Variants in RWDD3 observed in about 807,000 individuals in gnomAD.
RWDD3 encodes the protein RWD domain containing 3, also known as RWD domain-containing protein 3.
Under a neutral mutation model 26.5 loss-of-function variants are expected in RWDD3, and 30 were observed. The ratio of observed to expected loss-of-function variants is 1.13; its 90% CI spans 0.85 to 1.54. RWDD3 has a LOEUF of 1.54. Among genes scored for constraint, RWDD3 ranks in the 40% most tolerant of loss-of-function variants. The probability of loss-of-function intolerance (pLI) is 0.00; values close to 1 mark genes in which losing one functional copy is unlikely to be tolerated. For synonymous variants in RWDD3, 113 were observed against 114.5 expected, an observed-to-expected ratio of 0.99 and a Z score of 0.09; for missense variants, 296 against 309.1, an observed-to-expected ratio of 0.96 and a Z score of 0.32.
At position 95,244,494 on chromosome 1, in the gene RWDD3, C is replaced by T; in HGVS notation, c.369C>T (p.Gly123=). ...HILSQPETGS[G]SEKCTFSTST... Reference sequence around the variant, plus strand: ...TCAGCCAACCAGAAACTGGCAGTGGCAGTGAAAAGTGTACTTTTTCAACAA... The same window carrying T: ...TCAGCCAACCAGAAACTGGCAGTGGTAGTGAAAAGTGTACTTTTTCAACAA... Residue 123 remains glycine, a synonymous_variant, in exon 2 of 4, where the codon GGC becomes GGT. Coordinates refer to ENST00000370202, the MANE Select transcript of RWDD3 (RefSeq NM_015485.5). 6.2e-7 allele frequency: 1 copy of T among 1,614,114 alleles called. No homozygotes were observed. Among genetic ancestry groups the T allele is most frequent in the Non-Finnish European group, 8.5e-7 (1 of 1,180,014 alleles).
chr1:95,246,469 T>G (rs1461698277), intron 2 of RWDD3, 73 bp from the exon 3 acceptor site: 1 of 820,690 alleles, frequency 1.2e-6, no homozygotes, highest in Non-Finnish European at 2.0e-6. Context: ...CCTACAGGTT[T>G]ATAGCTCCTT....
chr1:95,239,648 T>C, intron 1 of RWDD3: 1 of 783,152 alleles, frequency 1.3e-6, no homozygotes, highest in Non-Finnish European at 1.7e-6. Flanking sequence ...TTAGGAAGAA[T>C]GCTAATCCTT....
chr1:95,236,332 G>A (rs1031529611), intron 1 of RWDD3, among the ~76,000 whole-genome samples: 46 of 142,052 alleles, frequency 3.2e-4, no homozygotes, highest in East Asian at 4.1e-4. Context: ...CTCTGTCTCA[G>A]AAAAAAAAAA....
At chr1:95,234,165 C>T (rs1464222807), upstream of RWDD3, 13 of 1,509,018 alleles carry the variant, frequency 8.6e-6, no homozygotes, top group Non-Finnish European at 1.2e-5. Context: ...AGTGCTGCTC[C>T]TGGCCGGTGG....
rs1300241830 is a variant in RWDD3, at chr1:95,246,747, A to G, written c.690-9A>G. ...AGGCATATTCATGAGTTTCTTTTGTATAATGCAGGTTTCTGGCATTTGAAG... is the reference window on the plus strand; with the variant it reads ...AGGCATATTCATGAGTTTCTTTTGTGTAATGCAGGTTTCTGGCATTTGAAG... On this transcript the variant is annotated splice_polypyrimidine_tract_variant and intron_variant, in intron 3 of 3. Coordinates refer to ENST00000370202, the MANE Select transcript of RWDD3 (RefSeq NM_015485.5). The G allele has an allele frequency of 1.3e-6, 2 of 1,552,144 alleles. No individual in the cohort carries two copies. Among genetic ancestry groups the G allele is most frequent in the East Asian group, 4.6e-5 (2 of 43,908 alleles).
At position 95,244,553 on chromosome 1, in the gene RWDD3, T is replaced by G. The variant is rs1230614506; in HGVS notation, c.428T>G (p.Leu143Arg). 6.2e-7 allele frequency: 1 copy of G among 1,614,074 alleles called. No homozygotes were observed. Among genetic ancestry groups the G allele is most frequent in the Admixed American group, 1.7e-5 (1 of 60,004 alleles). ...TTMDDGLWIT[L>R]LHLDHMRAKT... ...ATGGATGATGGATTGTGGATAACTC[T>G]TTTGCATTTAGATCACATGAGAGCA... The change falls in exon 2 of 4, where the codon CTT becomes CGT. Residue 143 changes from leucine to arginine, a missense_variant. By Grantham distance (102) the Leu-to-Arg change is moderately radical (BLOSUM62 -2). Transcript: ENST00000370202.
At chr1:95,241,953 C>T (rs1680645545) in intron 1 of RWDD3, among the ~76,000 whole-genome samples, 1 of 151,456 alleles carries the variant, frequency 6.6e-6, no homozygotes, top group South Asian at 2.1e-4. Context: ...TTTAGGTAAA[C>T]TCTCCCACAT....
chr1:95,237,802 A>G (rs756896094), intron 1 of RWDD3, among the ~76,000 whole-genome samples: 28 of 152,282 alleles, frequency 1.8e-4, no homozygotes, highest in Admixed American at 3.3e-4. Flanking sequence ...CACAGAGAAG[A>G]TAACTGATAC....
intron 1 of RWDD3, among the ~76,000 whole-genome samples, chr1:95,242,168 A>G (rs1680659978): frequency 1.3e-5 from 2 of 152,242 alleles, no homozygotes; most frequent in Admixed American, 1.3e-4. Flanking sequence ...TCCCTGGAGA[A>G]TTATCTACCA....
intron 1 of RWDD3, among the ~76,000 whole-genome samples, chr1:95,234,936 T>G (rs913052489): frequency 6.6e-6 from 1 of 152,110 alleles, no homozygotes; most frequent in Non-Finnish European, 1.5e-5. Flanking sequence ...CTTGTTGCCC[T>G]GGCTGGAGTG....
chr1:95,243,147 A>C (rs184408996), intron 1 of RWDD3: 1 of 152,186 alleles, frequency 6.6e-6, no homozygotes, highest in African/African-American at 2.4e-5. Flanking sequence ...TGAAAGAAAA[A>C]CTCTGTAACA....
rs555972293 is a variant in RWDD3 at position 95,242,690 on chromosome 1, G to A, written c.86-1521G>A. On this transcript the variant is annotated intron_variant, in intron 1 of 3. Coordinates refer to ENST00000370202, the MANE Select transcript of RWDD3 (RefSeq NM_015485.5). The stretch of plus-strand genomic sequence containing the variant: ...TCCCAGCACTTTGGGAGGCCAAGGC[G>A]GGTGGTTCACCCGAGGTCAGGAGTT... Among the ~76,000 whole-genome samples the A allele has an allele frequency of 8.5e-5, 13 of 152,224 alleles. No homozygotes were observed. In the East Asian group the frequency reaches 1.9e-3, roughly 23 times the overall value.
Position 95,244,235 on chromosome 1 carries a change from T to G in RWDD3, c.110T>G (p.Ile37Ser). ...RSETDGTVFR[I>S]HTKAEGFMDV... The stretch of plus-strand genomic sequence containing the variant: ...GAGACAGATGGGACCGTGTTCAGAA[T>G]TCACACAAAAGCTGAAGGATTTATG... The change falls in exon 2 of 4, where the codon ATT becomes AGT. Residue 37 changes from isoleucine to serine, a missense_variant. Coordinates refer to ENST00000370202, the MANE Select transcript of RWDD3 (RefSeq NM_015485.5). The G allele has an allele frequency of 6.2e-7, 1 of 1,614,170 alleles. No homozygotes were observed. Among genetic ancestry groups the G allele is most frequent in the Non-Finnish European group, 8.5e-7 (1 of 1,179,964 alleles).
intron 1 of RWDD3, among the ~76,000 whole-genome samples, chr1:95,235,593 C>T (rs1239272864): frequency 3.3e-5 from 5 of 151,718 alleles, no homozygotes; most frequent in African/African-American, 4.8e-5. Context: ...CTCCTGACCT[C>T]GTGATCCGCG....
At chr1:95,241,995 C>T (rs371984812) in intron 1 of RWDD3, among the ~76,000 whole-genome samples, 1 of 152,142 alleles carries the variant, frequency 6.6e-6, no homozygotes, top group South Asian at 2.1e-4. Context: ...GCTATCAACT[C>T]GAGGTAAAGA....
chr1:95,236,020 G>A (rs958562620), intron 1 of RWDD3, among the ~76,000 whole-genome samples: 3 of 152,104 alleles, frequency 2.0e-5, no homozygotes, highest in African/African-American at 7.2e-5. Flanking sequence ...ACCATAAATT[G>A]GTTAACCTTT....
chr1:95,240,378 GA>G (rs926279675), intron 1 of RWDD3, among the ~76,000 whole-genome samples: 1 of 152,096 alleles, frequency 6.6e-6, no homozygotes, highest in South Asian at 2.1e-4. Context: ...TTCAGTGCTG[GA>G]AAAAATGTTA....
At chr1:95,245,417 A>T (rs982962273) in intron 2 of RWDD3, among the ~76,000 whole-genome samples, 2 of 152,240 alleles carry the variant, frequency 1.3e-5, no homozygotes, top group African/African-American at 4.8e-5. Flanking sequence ...AATAGGTTTT[A>T]TACTTTCAGA....
chr1:95,239,883 G>A lies in RWDD3; in HGVS notation c.86-4328G>A, dbSNP rs912257829. The A allele has an allele frequency of 1.6e-5, 21 of 1,289,678 alleles. No individual in the cohort carries two copies. The Admixed American group carries it at 4.8e-4, about 30-fold the overall frequency. 79.9% of individuals were successfully genotyped at this position (1,289,678 alleles called of 1,614,324 possible). A position where few individuals can be genotyped will look rare whatever the true frequency, so the allele number is the denominator to read the frequency against. On this transcript the variant is annotated intron_variant, in intron 1 of 3. Coordinates refer to ENST00000370202, the MANE Select transcript of RWDD3 (RefSeq NM_015485.5). ...TGGACTACCAACATGTTTCTTTCCT[G>A]TGGTTCCCTGCACCAGAGAGGACCC...
Sources: gnomAD v4.1 joint callset for allele counts (sites outside exome capture counted in the v4.1 genomes callset) on GRCh38, gnomAD v4.1.1 for gene constraint, MANE v1.5 for transcripts, NCBI Gene and HGNC (gene_info 2026-07-23, HGNC 2026-07-21) for gene names.